PRR5L: variants seen among roughly 807,000 people sequenced by gnomAD.
PRR5L encodes the protein proline rich 5 like.
PRR5L carries 21 observed loss-of-function variants against 36.4 expected under a neutral mutation model. The observed-to-expected ratio is 0.58, with a 90% CI of 0.41 to 0.83. PRR5L has a LOEUF of 0.83. PRR5L is among the 40% of genes least tolerant of loss of function. The probability of loss-of-function intolerance (pLI) is 0.00; values close to 1 mark genes in which losing one functional copy is unlikely to be tolerated. For missense variants in PRR5L, 381 were observed against 473.3 expected (o/e 0.80, Z 1.81); for synonymous variants, 188 against 197.0 (o/e 0.95, Z 0.38).
chr11:36,401,422 TTTC>T, intron 2 of PRR5L, 137 bp downstream of exon 2: 3 of 825,792 alleles, frequency 3.6e-6, no homozygotes, highest in Non-Finnish European at 3.7e-6. Flanking sequence ...GAGAGCAAAT[TTTC>T]TTTTTTTCCT....
chr11:36,392,640 T>A (rs1857584803), intron 1 of PRR5L, among the ~76,000 whole-genome samples: 1 of 152,222 alleles, frequency 6.6e-6, no homozygotes, highest in Non-Finnish European at 1.5e-5. Context: ...AGCAGAGTTT[T>A]AATTGACTCA....
chr11:36,389,416 G>T (rs778553533), intron 1 of PRR5L, among the ~76,000 whole-genome samples: 11 of 152,156 alleles, frequency 7.2e-5, no homozygotes. Flanking sequence ...GGGCGAGGCC[G>T]TGATCTAGGT....
intron 6 of PRR5L, among the ~76,000 whole-genome samples, chr11:36,439,120 G>A (rs1858668051): frequency 6.6e-6 from 1 of 152,080 alleles, no homozygotes; most frequent in South Asian, 2.1e-4. Context: ...TGGACAAAGG[G>A]GCATGTTGAA....
chr11:36,361,367 A>C (rs962546010), intron 1 of PRR5L, among the ~76,000 whole-genome samples: 1 of 152,242 alleles, frequency 6.6e-6, no homozygotes, highest in Non-Finnish European at 1.5e-5. Flanking sequence ...GCTATTTTTC[A>C]TAAAAATACA....
Position 36,377,480 on chromosome 11 carries a change from C to A in PRR5L, c.-125-23517C>A, listed in dbSNP as rs1010672257. ...CACGCAGGGGGCGCTCTAGGGGCCCCGCCCGGGCAGCTGGGACCCTGCCTG... is the reference window on the plus strand; with the variant it reads ...CACGCAGGGGGCGCTCTAGGGGCCCAGCCCGGGCAGCTGGGACCCTGCCTG... On this transcript the variant is annotated intron_variant, in intron 1 of 8. Coordinates refer to ENST00000530639, the MANE Select transcript of PRR5L (RefSeq NM_001160167.2). The surrounding 1 kb of genome is among the most constrained non-coding windows in gnomAD (Gnocchi z 5.1). The A allele has an allele frequency of 1.3e-5, 2 of 152,280 alleles. No homozygotes were observed. Among genetic ancestry groups the A allele is most frequent in the African/African-American group, 2.4e-5 (1 of 41,470 alleles). 9.4% of individuals were successfully genotyped at this position (152,280 alleles called of 1,614,324 possible). A position where few individuals can be genotyped will look rare whatever the true frequency, so the allele number is the denominator to read the frequency against.
chr11:36,373,002 G>GTA (rs1590495901), intron 1 of PRR5L, among the ~76,000 whole-genome samples: 2 of 148,920 alleles, frequency 1.3e-5, no homozygotes, highest in East Asian at 3.9e-4. Context: ...GTGTGTGTGT[G>GTA]TGTGTTCACA....
chr11:36,384,791 G>T (rs1857428789), intron 1 of PRR5L, among the ~76,000 whole-genome samples: 1 of 151,232 alleles, frequency 6.6e-6, no homozygotes, highest in Non-Finnish European at 1.5e-5. Flanking sequence ...TCCTGCCTCA[G>T]CCTCCTGAGT....
intron 3 of PRR5L, among the ~76,000 whole-genome samples, chr11:36,411,458 C>T (rs1252338497): frequency 6.6e-6 from 1 of 151,938 alleles, no homozygotes; most frequent in East Asian, 1.9e-4. Flanking sequence ...CAGTGCTTCC[C>T]CATTTTTTCC....
intron 1 of PRR5L, among the ~76,000 whole-genome samples, chr11:36,331,952 C>T (rs1048707764): frequency 6.6e-5 from 10 of 152,226 alleles, no homozygotes; most frequent in South Asian, 4.2e-4. Flanking sequence ...AGCTGTTTGA[C>T]GTTGGATAGG....
chr11:36,384,554 C>T (rs563926195), intron 1 of PRR5L, among the ~76,000 whole-genome samples: 1 of 152,240 alleles, frequency 6.6e-6, no homozygotes, highest in African/African-American at 2.4e-5. Context: ...TGGATATTTC[C>T]ATCAGTTTTC....
intron 8 of PRR5L, among the ~76,000 whole-genome samples, chr11:36,462,042 A>G (rs1859196619): frequency 6.6e-6 from 1 of 152,226 alleles, no homozygotes; most frequent in African/African-American, 2.4e-5. Context: ...AATGAAGCTC[A>G]GGCAGCAGCT....
At chr11:36,434,957 C>T (rs1858574062) in intron 5 of PRR5L, among the ~76,000 whole-genome samples, 1 of 152,096 alleles carries the variant, frequency 6.6e-6, no homozygotes, top group Non-Finnish European at 1.5e-5. Context: ...CCTGTCTTGG[C>T]ATTGAAAGGG....
intron 1 of PRR5L, among the ~76,000 whole-genome samples, chr11:36,398,249 T>C (rs1321010649): frequency 2.0e-5 from 3 of 152,224 alleles, no homozygotes; most frequent in Non-Finnish European, 4.4e-5. Context: ...ATGTGTTTCT[T>C]TGCTTCTTTG....
intron 1 of PRR5L, among the ~76,000 whole-genome samples, chr11:36,352,676 G>A (rs1002555317): frequency 6.6e-6 from 1 of 152,118 alleles, no homozygotes; most frequent in Non-Finnish European, 1.5e-5. Flanking sequence ...TCAGCTCAGA[G>A]GGCAGTGCTA....
At chr11:36,358,986 T>A (rs534527442) in intron 1 of PRR5L, among the ~76,000 whole-genome samples, 46 of 152,204 alleles carry the variant, frequency 3.0e-4, no homozygotes, top group Non-Finnish European at 6.2e-4. Context: ...TTTTTAGTAA[T>A]CAGTGGTTGG....
intron 4 of PRR5L, among the ~76,000 whole-genome samples, chr11:36,430,618 A>C (rs2133597648): frequency 6.6e-6 from 1 of 152,302 alleles, no homozygotes; most frequent in South Asian, 2.1e-4. Flanking sequence ...AGTTGGGCTG[A>C]GATAGCAGCT....
At chr11:36,306,973 G>A (rs1856440772) in intron 1 of PRR5L, among the ~76,000 whole-genome samples, 1 of 152,076 alleles carries the variant, frequency 6.6e-6, no homozygotes, top group African/African-American at 2.4e-5. Context: ...CACAGGGTTG[G>A]TAGTGATGAC....
At chr11:36,447,524 A>C (rs1858856048) in intron 7 of PRR5L, among the ~76,000 whole-genome samples, 2 of 152,222 alleles carry the variant, frequency 1.3e-5, no homozygotes, top group African/African-American at 4.8e-5. Flanking sequence ...GGTGACTACT[A>C]TGCCTCTTCA....
intron 1 of PRR5L, among the ~76,000 whole-genome samples, chr11:36,318,007 A>G (rs1375043161): frequency 6.6e-6 from 1 of 152,240 alleles, no homozygotes; most frequent in South Asian, 2.1e-4. Context: ...GACTGCATAT[A>G]TGATGGTTGT....
Sources: allele counts gnomAD v4.1 joint callset (sites outside exome capture counted in the v4.1 genomes callset), GRCh38; gene constraint gnomAD v4.1.1; non-coding constraint Gnocchi (gnomAD v3.1); transcripts MANE v1.5; gene names NCBI Gene and HGNC (gene_info 2026-07-23, HGNC 2026-07-21).